Variants in GPR137C observed in about 807,000 individuals in gnomAD.
The protein encoded by GPR137C is integral membrane protein GPR137C.
Under a neutral mutation model 43.4 loss-of-function variants are expected in GPR137C, and 27 were observed. The ratio of observed to expected loss-of-function variants is 0.62; its 90% confidence interval spans 0.46 to 0.86. The LOEUF is 0.86. Among genes scored for constraint, GPR137C ranks in the 40% least tolerant of loss-of-function variants. GPR137C has a pLI of 0.00. For synonymous variants in GPR137C, 285 were observed against 226.9 expected (o/e 1.26, Z -2.30); for missense variants, 522 against 534.6 (o/e 0.98, Z 0.23).
intron 1 of GPR137C, among the ~76,000 whole-genome samples, chr14:52,564,165 C>T (rs1333702524): frequency 6.6e-6 from 1 of 151,254 alleles, no homozygotes; most frequent in Non-Finnish European, 1.5e-5. Context: ...GTCTCAGCTA[C>T]TCGGGAGGCT....
At chr14:52,595,907 T>G (rs2038848598) in intron 1 of GPR137C, among the ~76,000 whole-genome samples, 1 of 152,230 alleles carries the variant, frequency 6.6e-6, no homozygotes, top group African/African-American at 2.4e-5. Context: ...AGTCTGGTTT[T>G]TGGAATTTTC....
chr14:52,589,824 C>T (rs2038758889), intron 1 of GPR137C, among the ~76,000 whole-genome samples: 1 of 152,150 alleles, frequency 6.6e-6, no homozygotes, highest in African/African-American at 2.4e-5. Context: ...TAGCACAATG[C>T]ATTACTCACA....
At chr14:52,554,367 T>C (rs2038158146) in intron 1 of GPR137C, among the ~76,000 whole-genome samples, 1 of 152,240 alleles carries the variant, frequency 6.6e-6, no homozygotes, top group African/African-American at 2.4e-5. Context: ...TGCAATAACT[T>C]GCTTAATATC....
intron 1 of GPR137C, among the ~76,000 whole-genome samples, chr14:52,585,011 C>A (rs56975251): frequency 1.3e-5 from 2 of 152,072 alleles, no homozygotes; most frequent in African/African-American, 4.8e-5. Context: ...TCAATATATT[C>A]TTTTATAACC....
chr14:52,561,833 C>T (rs961430471), intron 1 of GPR137C, among the ~76,000 whole-genome samples: 1 of 152,142 alleles, frequency 6.6e-6, no homozygotes, highest in African/African-American at 2.4e-5. Context: ...GAAGGGAGGA[C>T]TTACAAAAAG....
intron 1 of GPR137C, among the ~76,000 whole-genome samples, chr14:52,592,655 T>C (rs899804920): frequency 2.2e-4 from 34 of 152,358 alleles, no homozygotes; most frequent in African/African-American, 8.2e-4. Context: ...TGTATAGGAA[T>C]GCTTGTGATT....
At chr14:52,606,375 A>G (rs1031309765) in intron 3 of GPR137C, among the ~76,000 whole-genome samples, 1 of 152,096 alleles carries the variant, frequency 6.6e-6, no homozygotes, top group Non-Finnish European at 1.5e-5. Flanking sequence ...GGTATCTGTT[A>G]TAATGTTTCC....
In GPR137C at chr14:52,570,589, A is replaced by G. The variant is rs960351151; in HGVS notation, c.444+16998A>G. On this transcript the variant is annotated intron_variant, in intron 1 of 6. Transcript: ENST00000321662. ...GAGTCAAGACCCATTGATGTCCTAT[A>G]TTCAGGAGACCCGTCTCACCTGCAA... Among the ~76,000 whole-genome samples, 3 of 152,192 alleles carry G rather than the reference A, an allele frequency of 2.0e-5. No homozygotes were observed. The South Asian group carries it at 6.2e-4, about 31-fold the overall frequency.
At chr14:52,631,031 A>G (rs1594810803) in intron 3 of GPR137C, among the ~76,000 whole-genome samples, 1 of 152,194 alleles carries the variant, frequency 6.6e-6, no homozygotes, top group African/African-American at 2.4e-5. Context: ...GAAATATTTG[A>G]ACAACTGATA....
chr14:52,613,724 T>C (rs925987505), intron 3 of GPR137C: 1 of 264,564 alleles, frequency 3.8e-6, no homozygotes, highest in Non-Finnish European at 7.7e-6. Flanking sequence ...TGTGTGTAAG[T>C]ACCACATTTC....
intron 2 of GPR137C, among the ~76,000 whole-genome samples, chr14:52,599,332 A>G (rs2038895362): frequency 6.6e-6 from 1 of 151,912 alleles, no homozygotes; most frequent in Non-Finnish European, 1.5e-5. Context: ...TACTGTCCCT[A>G]TGTTCTTCTT....
chr14:52,604,995 G>A (rs542337135), intron 3 of GPR137C, among the ~76,000 whole-genome samples: 1 of 152,238 alleles, frequency 6.6e-6, no homozygotes, highest in Admixed American at 6.5e-5. Flanking sequence ...ATATTGTGAT[G>A]CCTCCAACTT....
chr14:52,627,742 C>G (rs755504007), intron 3 of GPR137C, among the ~76,000 whole-genome samples: 5 of 151,842 alleles, frequency 3.3e-5, no homozygotes, highest in Non-Finnish European at 7.4e-5. Context: ...TACTCAGGAT[C>G]CTGAGGCAGG....
Position 52,636,904 on chromosome 14 carries a change from T to C in GPR137C, c.*1789T>C, listed in dbSNP as rs2039359651. ...GTTGTTAGATTGCTTCTCAGAATGC[T>C]AACTGTTTATTTTGCTAATAATGTT... On this transcript the variant is annotated 3_prime_UTR_variant, in exon 7 of 7. Coordinates refer to ENST00000321662, the MANE Select transcript of GPR137C (RefSeq NM_001099652.2). 6.6e-6 allele frequency: 1 copy of C among 152,122 alleles called. No homozygotes were observed. Among genetic ancestry groups the C allele is most frequent in the Admixed American group, 6.6e-5 (1 of 15,254 alleles). 9.4% of individuals were successfully genotyped at this position (152,122 alleles called of 1,614,324 possible). A position where few individuals can be genotyped will look rare whatever the true frequency, so the allele number is the denominator to read the frequency against.
At chr14:52,571,449 TGGATCATGAAG>T (rs2038467182) in intron 1 of GPR137C, among the ~76,000 whole-genome samples, 1 of 151,858 alleles carries the variant, frequency 6.6e-6, no homozygotes, top group Admixed American at 6.6e-5. Flanking sequence ...CCGAGGCGGG[TGGATCATGAAG>T]TCAGGAGTTT....
At chr14:52,585,008 A>G (rs934212294) in intron 1 of GPR137C, among the ~76,000 whole-genome samples, 4 of 152,122 alleles carry the variant, frequency 2.6e-5, no homozygotes, top group Non-Finnish European at 4.4e-5. Context: ...TTCTCAATAT[A>G]TTCTTTTATA....
rs3064748 is a variant in GPR137C, at chr14:52,577,516, G to GCACACACACACACA, written c.445-20744_445-20731dup. Among the ~76,000 whole-genome samples the GCACACACACACACA allele has an allele frequency of 2.0e-3, 298 of 145,488 alleles. 1 individual carries two copies. The highest frequency in any genetic ancestry group is 5.1e-3 in the East Asian group (25 of 4,926). On this transcript the variant is annotated intron_variant, in intron 1 of 6. Coordinates refer to ENST00000321662, the MANE Select transcript of GPR137C (RefSeq NM_001099652.2). ...CAAACATGCACGCGTGCGCGCGCGCGCACACACACACACACACACACACAC... is the reference window on the plus strand; with the variant it reads ...CAAACATGCACGCGTGCGCGCGCGCGCACACACACACACACACACACACACACACACACACACAC...
intron 1 of GPR137C, 108 bp downstream of exon 1, chr14:52,553,699 C>A: frequency 1.1e-6 from 1 of 886,960 alleles, no homozygotes; most frequent in East Asian, 2.7e-5. Flanking sequence ...GAGAGGCGGA[C>A]TGGAAACCAG....
intron 2 of GPR137C, among the ~76,000 whole-genome samples, 193 bp downstream of exon 2, chr14:52,598,508 T>C (rs529076063): frequency 2.0e-5 from 3 of 152,296 alleles, no homozygotes; most frequent in East Asian, 1.9e-4. Context: ...AGGAATCAAA[T>C]TGAGTAGCCC....
Sources: gnomAD v4.1 joint callset for allele counts (sites outside exome capture counted in the v4.1 genomes callset) on GRCh38, gnomAD v4.1.1 for gene constraint, MANE v1.5 for transcripts, NCBI Gene and HGNC (gene_info 2026-07-23, HGNC 2026-07-21) for gene names.